The following ZDHHC21 variants were observed in gnomAD, a reference collection of about 807,000 sequenced individuals.
The protein encoded by ZDHHC21 is palmitoyltransferase ZDHHC21.
ZDHHC21 carries 15 observed loss-of-function variants against 34.6 expected under a neutral mutation model. The ratio of observed to expected loss-of-function variants is 0.43; its 90% confidence interval spans 0.29 to 0.67. The LOEUF (loss-of-function observed/expected upper bound fraction) is 0.67, where lower values mean the gene tolerates loss of function less well. ZDHHC21 is among the 30% of genes least tolerant of loss of function. The pLI is 0.14. For synonymous variants in ZDHHC21, 142 were observed against 101.8 expected (o/e 1.40, Z -2.38); for missense variants, 344 against 327.7 (o/e 1.05, Z -0.38).
At chr9:14,674,001 T>C (rs1168494848) in intron 4 of ZDHHC21, among the ~76,000 whole-genome samples, 186 bp downstream of exon 4, 1 of 152,030 alleles carries the variant, frequency 6.6e-6, no homozygotes, top group African/African-American at 2.4e-5. Context: ...ATCACTTTTA[T>C]CTAACTGCAA....
Position 14,651,466 on chromosome 9 carries a change from T to C in ZDHHC21, c.504+7283A>G, listed in dbSNP as rs373597659. ...CCTCTGTCAAGTGGCAAGTTTGTGATTGGACAAGGTATTGAACTTCTCTGA... is the reference window on the plus strand; with the variant it reads ...CCTCTGTCAAGTGGCAAGTTTGTGACTGGACAAGGTATTGAACTTCTCTGA... On this transcript the variant is annotated intron_variant, in intron 7 of 9. Transcript: ENST00000380916. Among the ~76,000 whole-genome samples, 11 of 152,002 alleles carry C rather than the reference T, an allele frequency of 7.2e-5. No homozygotes were observed. In the East Asian group the frequency reaches 7.7e-4, roughly 11 times the overall value.
the ZDHHC21 span, among the ~76,000 whole-genome samples, chr9:14,600,836 AAAC>A: frequency 6.6e-6 from 1 of 152,236 alleles, no homozygotes; most frequent in Non-Finnish European, 1.5e-5. Flanking sequence ...GAGGCCTCAG[AAAC>A]AACGCCACAC....
chr9:14,672,638 G>A (rs1479142934), intron 5 of ZDHHC21, among the ~76,000 whole-genome samples, 192 bp downstream of exon 5: 2 of 152,142 alleles, frequency 1.3e-5, no homozygotes, highest in South Asian at 2.1e-4. Context: ...GGGGTGTGGT[G>A]AAACTGCCGG....
chr9:14,633,598 T>A (rs1052294579), intron 8 of ZDHHC21, among the ~76,000 whole-genome samples: 1 of 152,062 alleles, frequency 6.6e-6, no homozygotes, highest in Non-Finnish European at 1.5e-5. Flanking sequence ...AGCCCCTGCA[T>A]CTCCACATTT....
chr9:14,592,609 T>G, the ZDHHC21 span, among the ~76,000 whole-genome samples: 1 of 152,018 alleles, frequency 6.6e-6, no homozygotes, highest in Non-Finnish European at 1.5e-5. Flanking sequence ...TGACAGAAAA[T>G]CTAAACAGAA....
At chr9:14,667,238 T>G (rs1053162179) in intron 5 of ZDHHC21, among the ~76,000 whole-genome samples, 5 of 148,122 alleles carry the variant, frequency 3.4e-5, no homozygotes, top group Admixed American at 3.3e-4. Flanking sequence ...TCAAATAAAC[T>G]AGAAAATCTA....
intron 8 of ZDHHC21, among the ~76,000 whole-genome samples, chr9:14,635,351 CA>C (rs1828088357): frequency 6.6e-6 from 1 of 152,062 alleles, no homozygotes; most frequent in South Asian, 2.1e-4. Flanking sequence ...CAAACAGATA[CA>C]ATGCAAAAAG....
intron 3 of ZDHHC21, among the ~76,000 whole-genome samples, chr9:14,675,914 G>A (rs10961653): frequency 0.36 from 55,043 of 151,616 alleles, 10,361 homozygotes; most frequent in Non-Finnish European, 0.41. Flanking sequence ...AATAGGAGGA[G>A]CAAGAGTAGA....
intron 1 of ZDHHC21, 23 bp downstream of exon 1, chr9:14,693,206 C>T (rs2131749346): frequency 2.9e-6 from 1 of 350,642 alleles, no homozygotes; most frequent in South Asian, 2.0e-5. Flanking sequence ...GCGGCCGCTT[C>T]GCCCCCGCGC....
At chr9:14,656,422 T>A (rs1379485710) in intron 7 of ZDHHC21, among the ~76,000 whole-genome samples, 1 of 151,952 alleles carries the variant, frequency 6.6e-6, no homozygotes, top group African/African-American at 2.4e-5. Context: ...AACTTGATAA[T>A]ATGTATGAAT....
chr9:14,680,346 A>G (rs927322966), intron 2 of ZDHHC21, among the ~76,000 whole-genome samples, 184 bp from the exon 3 acceptor site: 5 of 152,192 alleles, frequency 3.3e-5, no homozygotes, highest in Admixed American at 6.5e-5. Context: ...GCATTTGATT[A>G]CAATTATATC....
At chr9:14,665,936 T>C (rs1834351838) in intron 5 of ZDHHC21, among the ~76,000 whole-genome samples, 1 of 147,886 alleles carries the variant, frequency 6.8e-6, no homozygotes, top group Non-Finnish European at 1.5e-5. Context: ...AGAAACTGCA[T>C]CAACTAACGA....
rs529137199 is a variant in ZDHHC21 at position 14,616,184 on chromosome 9, T to C, written c.*2782A>G. The C allele has an allele frequency of 1.4e-4, 21 of 151,928 alleles. No homozygotes were observed. Among genetic ancestry groups the C allele is most frequent in the Admixed American group, 5.3e-4 (8 of 15,234 alleles). The allele number at this position is 151,928 out of a possible 1,614,324, so 9.4% of individuals were successfully genotyped here. The stretch of plus-strand genomic sequence containing the variant: ...AACACAGAAAATGCTTGGTTGTCTT[T>C]GTAGCTACAATACATTTCTATGTTT... On this transcript the variant is annotated 3_prime_UTR_variant, in exon 10 of 10. Transcript: ENST00000380916.
At chr9:14,657,633 G>A (rs1186250338) in intron 7 of ZDHHC21, among the ~76,000 whole-genome samples, 2 of 152,094 alleles carry the variant, frequency 1.3e-5, no homozygotes, top group Non-Finnish European at 2.9e-5. Context: ...ACAAAAGAAA[G>A]TAGCTGTTTT....
chr9:14,667,501 G>A (rs1014558639), intron 5 of ZDHHC21, among the ~76,000 whole-genome samples: 2 of 146,572 alleles, frequency 1.4e-5, no homozygotes, highest in Admixed American at 6.8e-5. Flanking sequence ...CTCATTTTAT[G>A]AGGCCAGCAT....
chr9:14,597,025 C>T, the ZDHHC21 span, among the ~76,000 whole-genome samples: 1 of 152,140 alleles, frequency 6.6e-6, no homozygotes, highest in Non-Finnish European at 1.5e-5. Flanking sequence ...TACACTTTTC[C>T]ATTGTGAACT....
downstream of ZDHHC21, among the ~76,000 whole-genome samples, chr9:14,607,470 A>G (rs542671580): frequency 2.4e-4 from 36 of 152,304 alleles, no homozygotes; most frequent in Non-Finnish European, 2.2e-4. Context: ...AATATCATAT[A>G]TAACACATAT....
At chr9:14,679,940 T>A (rs1431264909) in intron 3 of ZDHHC21, 93 bp downstream of exon 3, 1 of 152,514 alleles carries the variant, frequency 6.6e-6, no homozygotes, top group African/African-American at 2.4e-5. Context: ...ATTTGCTAAC[T>A]GACAATTAAG....
intron 7 of ZDHHC21, among the ~76,000 whole-genome samples, chr9:14,654,389 T>C (rs1251369938): frequency 6.4e-5 from 4 of 62,534 alleles, no homozygotes; most frequent in Non-Finnish European, 1.3e-4. Flanking sequence ...GCTTCTCTTA[T>C]ATCCTATCAA....
Sources: gnomAD v4.1 joint callset for allele counts (sites outside exome capture counted in the v4.1 genomes callset) on GRCh38, gnomAD v4.1.1 for gene constraint, MANE v1.5 for transcripts, NCBI Gene and HGNC (gene_info 2026-07-23, HGNC 2026-07-21) for gene names.